BDP1: variants seen among roughly 807,000 people sequenced by gnomAD.
BDP1 encodes the protein transcription factor TFIIIB component B'' homolog.
Under a neutral mutation model 266.6 loss-of-function variants are expected in BDP1, and 169 were observed. The observed-to-expected ratio is 0.63, with a 90% CI of 0.56 to 0.72. The LOEUF (loss-of-function observed/expected upper bound fraction) is 0.72, where lower values mean the gene tolerates loss of function less well. Among genes scored for constraint, BDP1 ranks in the 30% least tolerant of loss-of-function variants. The pLI is 0.00. For synonymous variants in BDP1, 1,090 were observed against 1,022.4 expected (o/e 1.07, Z -1.26); for missense variants, 3,015 against 3,053.8 (o/e 0.99, Z 0.30).
chr5:71,526,032 G>A (rs1352790038), intron 25 of BDP1, among the ~76,000 whole-genome samples: 2 of 152,158 alleles, frequency 1.3e-5, no homozygotes, highest in East Asian at 3.9e-4. Flanking sequence ...CTTCCCAGAC[G>A]GGGTGGCGGC....
chr5:71,523,925 G>T lies in BDP1; in HGVS notation c.5388-14G>T. The T allele has an allele frequency of 6.3e-7, 1 of 1,591,508 alleles. No homozygotes were observed. Among genetic ancestry groups the T allele is most frequent in the Non-Finnish European group, 8.6e-7 (1 of 1,169,066 alleles). On this transcript the variant is annotated splice_polypyrimidine_tract_variant and intron_variant, in intron 24 of 38. Transcript: ENST00000358731. ...ATGCATATGACCTTATTGTTGTTTT[G>T]ATTAAATATCTAGCTGTCCACAACC...
At chr5:71,515,211 TAA>T in intron 20 of BDP1, 89 bp downstream of exon 20, 1 of 994,482 alleles carries the variant, frequency 1.0e-6, no homozygotes, top group Non-Finnish European at 1.4e-6. Context: ...TTAATGCATT[TAA>T]AAAGTGAACA....
intron 11 of BDP1, 114 bp downstream of exon 11, chr5:71,491,245 TG>T: frequency 1.0e-6 from 1 of 980,118 alleles, no homozygotes; most frequent in African/African-American, 1.6e-5. Context: ...CAGTTCTATT[TG>T]TTTTTGCTCC....
intron 25 of BDP1, 52 bp downstream of exon 25, chr5:71,524,375 C>G: frequency 6.7e-7 from 1 of 1,494,442 alleles, no homozygotes; most frequent in Non-Finnish European, 9.0e-7. Flanking sequence ...GTTTTCACCT[C>G]TTGTTTCTTT....
chr5:71,543,956 CTT>C lies in BDP1; in HGVS notation c.6413-395_6413-394del, dbSNP rs113898304. Reference sequence around the variant, plus strand: ...CAAATTACCTCTTCTATATAGAAGTCTTTTTTTCCCCGTTTGTGATATTATTC... The same window carrying C: ...CAAATTACCTCTTCTATATAGAAGTCTTTTTCCCCGTTTGTGATATTATTC... On this transcript the variant is annotated intron_variant, in intron 30 of 38. Transcript: ENST00000358731. Among the ~76,000 whole-genome samples the C allele has an allele frequency of 5.0e-3, 768 of 152,262 alleles. 8 individuals are homozygous for C. Among genetic ancestry groups the C allele is most frequent in the African/African-American group, 0.017 (718 of 41,546 alleles).
downstream of BDP1, among the ~76,000 whole-genome samples, chr5:71,571,626 T>TTTAC (rs1478961664): frequency 6.6e-6 from 1 of 151,584 alleles, no homozygotes; most frequent in Non-Finnish European, 1.5e-5. Flanking sequence ...CTGAAGTTTA[T>TTTAC]TTTAATTAAT....
At chr5:71,531,864 A>T (rs567972827) in intron 25 of BDP1, among the ~76,000 whole-genome samples, 1 of 152,182 alleles carries the variant, frequency 6.6e-6, no homozygotes, top group African/African-American at 2.4e-5. Flanking sequence ...ATGACCGTAT[A>T]TAATTAGTTG....
the BDP1 span, among the ~76,000 whole-genome samples, chr5:71,576,935 A>C: frequency 6.6e-6 from 1 of 152,216 alleles, no homozygotes; most frequent in Non-Finnish European, 1.5e-5. Context: ...TAATAGCAAT[A>C]GTAAGCAACA....
At chr5:71,477,061 G>A (rs1273201166) in intron 7 of BDP1, among the ~76,000 whole-genome samples, 2 of 150,412 alleles carry the variant, frequency 1.3e-5, no homozygotes, top group East Asian at 3.9e-4. Context: ...GGCCAGGCTC[G>A]TCTCAAACTT....
intron 1 of BDP1, among the ~76,000 whole-genome samples, chr5:71,458,063 A>G (rs1419275171): frequency 6.6e-6 from 1 of 152,160 alleles, no homozygotes; most frequent in African/African-American, 2.4e-5. Context: ...CTGTAACTAA[A>G]TGTTTTTCTT....
chr5:71,517,502 T>C, intron 22 of BDP1, 50 bp downstream of exon 22: 1 of 1,482,492 alleles, frequency 6.7e-7, no homozygotes, highest in Non-Finnish European at 9.1e-7. Flanking sequence ...AGATAAAAGT[T>C]ATATTTTTGC....
At chr5:71,558,940 G>T (rs939574773) in intron 36 of BDP1, among the ~76,000 whole-genome samples, 1 of 152,214 alleles carries the variant, frequency 6.6e-6, no homozygotes, top group African/African-American at 2.4e-5. Context: ...GGTCACTTGA[G>T]GTCAGGAGTT....
intron 28 of BDP1, among the ~76,000 whole-genome samples, chr5:71,539,989 A>G (rs1041802795): frequency 3.3e-5 from 5 of 152,174 alleles, no homozygotes; most frequent in Non-Finnish European, 7.4e-5. Flanking sequence ...GATCACTGAT[A>G]TAGTTTATAC....
At position 71,516,148 on chromosome 5, in the gene BDP1, G is replaced by A. The variant is rs747494797; in HGVS notation, c.4737G>A (p.Pro1579=). The change falls in exon 21 of 39, where the codon CCG becomes CCA. Residue 1579 remains proline (P), a synonymous_variant. Coordinates refer to ENST00000358731, the MANE Select transcript of BDP1 (RefSeq NM_018429.3). ...AAGTAAGGGGCCGACTTCAGAGACC[G>A]AGACCAAATATAAGAAAGACAGGAC... The part of the protein sequence containing the change: ...ARQVRGRLQR[P]RPNIRKTGQR... 274 of 1,613,066 alleles carry A rather than the reference G, an allele frequency of 1.7e-4. No individual in the cohort carries two copies. The highest frequency in any genetic ancestry group is 2.2e-4 in the Non-Finnish European group (254 of 1,179,516).
chr5:71,481,709 G>T (rs1242017630), intron 7 of BDP1, among the ~76,000 whole-genome samples: 1 of 152,028 alleles, frequency 6.6e-6, no homozygotes, highest in Non-Finnish European at 1.5e-5. Context: ...TCTCCAATGG[G>T]ATTTCTCATC....
intron 25 of BDP1, among the ~76,000 whole-genome samples, chr5:71,525,559 CCCGGATGGGGCGGCTGG>C (rs1398822418): frequency 1.5e-5 from 1 of 67,356 alleles, no homozygotes; most frequent in Non-Finnish European, 3.6e-5. Context: ...CCACCTCCCT[CCCGGATGGGGCGGCTGG>C]CCGGGCGGGG....
At chr5:71,486,788 G>A (rs1190438510) in intron 9 of BDP1, among the ~76,000 whole-genome samples, 161 bp downstream of exon 9, 1 of 152,120 alleles carries the variant, frequency 6.6e-6, no homozygotes, top group Non-Finnish European at 1.5e-5. Flanking sequence ...TAGTTATCTG[G>A]TCCAAAACAA....
chr5:71,572,461 T>C (rs1744297936), downstream of BDP1, among the ~76,000 whole-genome samples: 1 of 152,158 alleles, frequency 6.6e-6, no homozygotes, highest in African/African-American at 2.4e-5. Flanking sequence ...ACAAGGCGAA[T>C]GGGGACCCCG....
At chr5:71,541,398 T>C in intron 28 of BDP1, 56 bp from the exon 29 acceptor site, 3 of 705,046 alleles carry the variant, frequency 4.3e-6, no homozygotes, top group Non-Finnish European at 4.4e-6. Flanking sequence ...GAGGAATTTA[T>C]TTTGAGCATC....
Sources: gnomAD v4.1 joint callset for allele counts (sites outside exome capture counted in the v4.1 genomes callset) on GRCh38, gnomAD v4.1.1 for gene constraint, MANE v1.5 for transcripts, NCBI Gene and HGNC (gene_info 2026-07-23, HGNC 2026-07-21) for gene names.